The following NPAS3 variants were observed in gnomAD, a reference collection of about 807,000 sequenced individuals.
The protein encoded by NPAS3 is neuronal PAS domain protein 3, also known as neuronal PAS domain-containing protein 3.
In NPAS3, 14 loss-of-function variants were observed where a neutral mutation model predicts 73.1. The observed-to-expected ratio is 0.19, with a 90% CI of 0.13 to 0.30. The LOEUF (loss-of-function observed/expected upper bound fraction) is 0.30, where lower values mean the gene tolerates loss of function less well. Ranked by LOEUF, NPAS3 falls within the 10% of genes least tolerant of loss-of-function variation. The pLI is 1.00. For synonymous variants in NPAS3, 620 were observed against 541.5 expected, an observed-to-expected ratio of 1.14 and a Z score of -2.01; for missense variants, 1,096 against 1,250.0, an observed-to-expected ratio of 0.88 and a Z score of 1.86.
chr14:33,798,404 C>T (rs2138668966), intron 11 of NPAS3, among the ~76,000 whole-genome samples: 1 of 152,294 alleles, frequency 6.6e-6, no homozygotes, highest in East Asian at 1.9e-4. Flanking sequence ...TCCTACACCT[C>T]TTTTAACCCT....
At position 33,442,507 on chromosome 14, in the gene NPAS3, G is replaced by A. The variant is rs569143765; in HGVS notation, c.468+75239G>A. Reference sequence around the variant, plus strand: ...TATTGAATTGTAGTTCCCATAATCCGCATGTGTTGTGGGAGGTAATTGAAT... The same window carrying A: ...TATTGAATTGTAGTTCCCATAATCCACATGTGTTGTGGGAGGTAATTGAAT... On this transcript the variant is annotated intron_variant, in intron 4 of 11. Coordinates refer to ENST00000356141, the Ensembl canonical transcript of NPAS3. Among the ~76,000 whole-genome samples, 34 of 152,214 alleles carry A rather than the reference G, an allele frequency of 2.2e-4. No homozygotes were observed. The South Asian group carries it at 5.0e-3, about 22-fold the overall frequency.
At chr14:33,612,375 G>A in intron 5 of NPAS3, 1 of 455,524 alleles carries the variant, frequency 2.2e-6, no homozygotes, top group Non-Finnish European at 4.4e-6. Flanking sequence ...CCCACGCCCT[G>A]AAACCTGTTG....
chr14:33,563,629 C>T (rs1011744627), intron 5 of NPAS3, among the ~76,000 whole-genome samples: 1 of 152,014 alleles, frequency 6.6e-6, no homozygotes, highest in Non-Finnish European at 1.5e-5. Flanking sequence ...GAAGTATGCA[C>T]TGTTGACTTG....
At chr14:33,371,931 A>C (rs1399774800) in intron 4 of NPAS3, among the ~76,000 whole-genome samples, 2 of 152,188 alleles carry the variant, frequency 1.3e-5, no homozygotes, top group Non-Finnish European at 2.9e-5. Context: ...TTAAAAACTT[A>C]AGTAACTCAA....
intron 6 of NPAS3, among the ~76,000 whole-genome samples, chr14:33,694,279 T>G (rs778292010): frequency 1.3e-5 from 2 of 152,216 alleles, no homozygotes; most frequent in Non-Finnish European, 2.9e-5. Flanking sequence ...AAATGATATG[T>G]GTTAGTCTTT....
chr14:33,751,360 C>T (rs556872755), intron 7 of NPAS3, among the ~76,000 whole-genome samples: 2 of 152,216 alleles, frequency 1.3e-5, no homozygotes, highest in African/African-American at 4.8e-5. Flanking sequence ...ACCATTCTGC[C>T]AACATGAGTG....
intron 4 of NPAS3, among the ~76,000 whole-genome samples, chr14:33,456,642 C>T (rs2050035847): frequency 6.6e-6 from 1 of 152,138 alleles, no homozygotes; most frequent in Non-Finnish European, 1.5e-5. Flanking sequence ...TATAACGACT[C>T]ATATATTAGA....
intron 5 of NPAS3, among the ~76,000 whole-genome samples, chr14:33,659,723 A>T (rs2059251951): frequency 6.6e-6 from 1 of 152,152 alleles, no homozygotes; most frequent in African/African-American, 2.4e-5. Context: ...TCTCTATTTC[A>T]TCTAAGGAAG....
chr14:33,432,394 T>G (rs1456164590), intron 4 of NPAS3, among the ~76,000 whole-genome samples: 1 of 152,218 alleles, frequency 6.6e-6, no homozygotes, highest in Admixed American at 6.5e-5. Context: ...CTGGCCTTAA[T>G]CACTTTATAT....
intron 3 of NPAS3, among the ~76,000 whole-genome samples, chr14:33,301,320 ATATTTTTTT>A (rs1193734235): frequency 0.018 from 1,787 of 100,022 alleles, 319 homozygotes; most frequent in African/African-American, 0.066. Context: ...ATATATATAT[ATATTTTTTT>A]TTTTTAAATC....
intron 3 of NPAS3, among the ~76,000 whole-genome samples, chr14:33,343,365 C>T (rs7159536): frequency 0.021 from 3,194 of 152,242 alleles, 130 homozygotes; most frequent in African/African-American, 0.073. Flanking sequence ...TGTAGAGATT[C>T]TCATTTCTAT....
rs776153350 is a variant in NPAS3, at chr14:33,204,932, G to GA, written c.141-10241dup. ...GCACTATTTGGTCACTCATTTATTG[G>GA]AAAAAAAAATGCCTTTAAGCATCAA... On this transcript the variant is annotated intron_variant, in intron 2 of 11. Transcript: ENST00000356141. 7.3e-3 allele frequency among the ~76,000 whole-genome samples: 1,089 copies of GA among 149,786 alleles called. 15 individuals carry two copies. Among genetic ancestry groups the GA allele is most frequent in the African/African-American group, 0.025 (1,009 of 40,844 alleles).
intron 6 of NPAS3, among the ~76,000 whole-genome samples, chr14:33,682,659 T>A (rs182399112): frequency 6.6e-6 from 1 of 152,332 alleles, no homozygotes; most frequent in Admixed American, 6.5e-5. Context: ...CAAGATCCCC[T>A]GGAACTGCCA....
intron 6 of NPAS3, among the ~76,000 whole-genome samples, chr14:33,723,899 G>A (rs573218923): frequency 6.6e-6 from 1 of 152,206 alleles, no homozygotes; most frequent in South Asian, 2.1e-4. Context: ...GAGTTTCCAT[G>A]AAGGGTAACC....
At chr14:33,175,445 C>G (rs1277664159) in intron 2 of NPAS3, among the ~76,000 whole-genome samples, 2 of 152,026 alleles carry the variant, frequency 1.3e-5, no homozygotes, top group African/African-American at 2.4e-5. Flanking sequence ...AGGAAGCATA[C>G]CTACTTGTTT....
At chr14:33,027,490 T>C (rs1595266544) in intron 1 of NPAS3, among the ~76,000 whole-genome samples, 1 of 152,188 alleles carries the variant, frequency 6.6e-6, no homozygotes, top group East Asian at 1.9e-4. Context: ...AACTACTTAC[T>C]CAGATTAGGT....
intron 1 of NPAS3, among the ~76,000 whole-genome samples, chr14:33,042,700 A>G (rs946932546): frequency 1.3e-5 from 2 of 152,178 alleles, no homozygotes. Context: ...TAAAGTTCCA[A>G]TTTGAAAGCC....
At chr14:33,427,260 T>C (rs2048593390) in intron 4 of NPAS3, among the ~76,000 whole-genome samples, 1 of 151,894 alleles carries the variant, frequency 6.6e-6, no homozygotes, top group African/African-American at 2.4e-5. Flanking sequence ...GTAGCCACTG[T>C]ACATCTCAGC....
intron 6 of NPAS3, among the ~76,000 whole-genome samples, chr14:33,686,667 A>T (rs2060097163): frequency 6.6e-6 from 1 of 152,186 alleles, no homozygotes; most frequent in African/African-American, 2.4e-5. Context: ...TAAAATTGTA[A>T]AAGTCATACA....
Sources: allele counts gnomAD v4.1 joint callset (sites outside exome capture counted in the v4.1 genomes callset), GRCh38; gene constraint gnomAD v4.1.1; transcripts MANE v1.5; gene names NCBI Gene and HGNC (gene_info 2026-07-23, HGNC 2026-07-21).